The following PLCL2 variants were observed in gnomAD, a reference collection of about 807,000 sequenced individuals.
The protein encoded by PLCL2 is inactive phospholipase C-like protein 2.
In PLCL2, 4 loss-of-function variants were observed where a neutral mutation model predicts 79.6. That is an observed-to-expected ratio of 0.05 (90% confidence interval 0.02 to 0.11). The LOEUF (loss-of-function observed/expected upper bound fraction) is 0.11, where lower values mean the gene tolerates loss of function less well. Ranked by LOEUF, PLCL2 falls within the 10% of genes least tolerant of loss-of-function variation. PLCL2 has a pLI of 1.00. For missense variants in PLCL2, 895 were observed against 1,291.0 expected (o/e 0.69, Z 4.70); for synonymous variants, 484 against 457.7 (o/e 1.06, Z -0.73).
At chr3:16,953,133 C>G (rs2063668790) in intron 1 of PLCL2, among the ~76,000 whole-genome samples, 1 of 152,032 alleles carries the variant, frequency 6.6e-6, no homozygotes, top group African/African-American at 2.4e-5. Context: ...ACATGAAAAA[C>G]TGACCAAGAC....
intron 3 of PLCL2, among the ~76,000 whole-genome samples, chr3:17,037,852 C>T (rs2064673780): frequency 6.6e-6 from 1 of 151,998 alleles, no homozygotes; most frequent in Non-Finnish European, 1.5e-5. Context: ...ATGGAATTTT[C>T]CTAGTTGATA....
chr3:17,079,580 C>T (rs1308182667), intron 5 of PLCL2, among the ~76,000 whole-genome samples: 1 of 152,214 alleles, frequency 6.6e-6, no homozygotes, highest in Non-Finnish European at 1.5e-5. Flanking sequence ...GCAGCATCAG[C>T]CCCTGGGCCT....
At chr3:17,052,602 A>G (rs1000430447) in intron 4 of PLCL2, among the ~76,000 whole-genome samples, 1 of 152,168 alleles carries the variant, frequency 6.6e-6, no homozygotes, top group African/African-American at 2.4e-5. Context: ...ATTGCAATGC[A>G]TTGCTGTAAA....
chr3:16,942,789 G>C (rs531819695), intron 1 of PLCL2, among the ~76,000 whole-genome samples: 12 of 152,118 alleles, frequency 7.9e-5, no homozygotes, highest in African/African-American at 2.7e-4. Flanking sequence ...AACAACACTT[G>C]TAAAAGAGAA....
At chr3:17,068,185 G>A (rs1054575312) in intron 5 of PLCL2, 120 bp downstream of exon 5, 9 of 618,640 alleles carry the variant, frequency 1.5e-5, no homozygotes, top group South Asian at 2.2e-5. Flanking sequence ...TAGAATGGAT[G>A]CAGAAATCAC....
intron 2 of PLCL2, among the ~76,000 whole-genome samples, chr3:17,013,040 C>T (rs766869554): frequency 2.0e-5 from 3 of 152,160 alleles, no homozygotes; most frequent in Non-Finnish European, 2.9e-5. Context: ...ATGTGTACTT[C>T]GTGAATAAAA....
At chr3:16,921,444 C>T (rs1697122766) in intron 1 of PLCL2, among the ~76,000 whole-genome samples, 1 of 152,168 alleles carries the variant, frequency 6.6e-6, no homozygotes, top group Non-Finnish European at 1.5e-5. Context: ...TCTTGGCAAG[C>T]TGATAGAGTA....
At chr3:17,036,648 G>A (rs1283887696) in intron 3 of PLCL2, among the ~76,000 whole-genome samples, 4 of 152,216 alleles carry the variant, frequency 2.6e-5, no homozygotes, top group African/African-American at 9.6e-5. Flanking sequence ...CATGGCATTA[G>A]TGAACTAACT....
At chr3:16,929,195 A>G (rs186193630) in intron 1 of PLCL2, among the ~76,000 whole-genome samples, 3,173 of 151,982 alleles carry the variant, frequency 0.021, 50 homozygotes, top group South Asian at 0.039. Flanking sequence ...CGTGGGAGAG[A>G]GGGGAGGAGG....
intron 4 of PLCL2, among the ~76,000 whole-genome samples, chr3:17,052,683 C>T (rs1338043912): frequency 6.6e-6 from 1 of 152,170 alleles, no homozygotes; most frequent in African/African-American, 2.4e-5. Context: ...TCTGCCACCT[C>T]TGAGACAGCA....
intron 4 of PLCL2, among the ~76,000 whole-genome samples, chr3:17,044,946 T>C (rs538325972): frequency 6.6e-6 from 1 of 152,322 alleles, no homozygotes; most frequent in East Asian, 1.9e-4. Flanking sequence ...CACTGTGTAA[T>C]GGTTCAAGTT....
chr3:17,010,879 A>C lies in PLCL2; in HGVS notation c.1533A>C (p.Ser511=). ...DIINKYAFFA[S]EYPLILCLEN... ...TTAACAAGTATGCATTCTTTGCTTC[A>C]GAGTATCCTCTTATCTTGTGTTTAG... Residue 511 remains serine, a synonymous_variant, in exon 2 of 6, where the codon TCA becomes TCC. Transcript: ENST00000615277. This position sits in a 1 kb window ranked among gnomAD's most constrained non-coding sequence, Gnocchi z 5.8. 6.2e-7 allele frequency: 1 copy of C among 1,614,044 alleles called. No individual in the cohort carries two copies. The highest frequency in any genetic ancestry group is 8.5e-7 in the Non-Finnish European group (1 of 1,179,918).
chr3:17,004,161 C>T (rs1312079555), intron 1 of PLCL2, among the ~76,000 whole-genome samples: 2 of 152,120 alleles, frequency 1.3e-5, no homozygotes, highest in African/African-American at 2.4e-5. Flanking sequence ...GACCGTGGCT[C>T]TCTGATGCAT....
intron 1 of PLCL2, among the ~76,000 whole-genome samples, chr3:16,998,830 A>G (rs770662273): frequency 4.6e-5 from 7 of 152,258 alleles, no homozygotes; most frequent in Non-Finnish European, 8.8e-5. Flanking sequence ...AACCCATTAC[A>G]TATTTGAATT....
intron 5 of PLCL2, among the ~76,000 whole-genome samples, chr3:17,085,758 T>G (rs2124958690): frequency 6.7e-6 from 1 of 149,834 alleles, no homozygotes; most frequent in African/African-American, 2.4e-5. Context: ...CCAATTTATT[T>G]CTTATATACC....
intron 1 of PLCL2, among the ~76,000 whole-genome samples, chr3:16,996,262 A>G (rs1243498014): frequency 1.3e-5 from 2 of 152,008 alleles, no homozygotes; most frequent in Admixed American, 1.3e-4. Flanking sequence ...TAGTGAGAGG[A>G]GTGGGCTGCG....
chr3:17,086,026 A>G (rs1308637358), intron 5 of PLCL2, among the ~76,000 whole-genome samples: 6 of 152,322 alleles, frequency 3.9e-5, no homozygotes, highest in African/African-American at 1.4e-4. Context: ...TCAAACTTCC[A>G]GCAAGCATAA....
At position 17,090,404 on chromosome 3, in the gene PLCL2, C is replaced by T. The variant is rs2065260675; in HGVS notation, c.*492C>T. 3.4e-6 allele frequency: 1 copy of T among 293,886 alleles called. No homozygotes were observed. Among genetic ancestry groups the T allele is most frequent in the African/African-American group, 2.3e-5 (1 of 43,980 alleles). 18.2% of individuals were successfully genotyped at this position (293,886 alleles called of 1,614,324 possible). Reference sequence around the variant, plus strand: ...AAGAGAATGTAAGTGGACGGGTTCCCTGAATCCCCGGGGTCCTTGGAGAGC... The same window carrying T: ...AAGAGAATGTAAGTGGACGGGTTCCTTGAATCCCCGGGGTCCTTGGAGAGC... On this transcript the variant is annotated 3_prime_UTR_variant, in exon 6 of 6. Transcript: ENST00000615277.
In PLCL2 at chr3:17,028,188, A is replaced by G. The variant is rs532199414; in HGVS notation, c.3018+13277A>G. ...GGGTAGAGTTAGTGAGCAGCTCTGC[A>G]TCGTCTCTGAAAACCCCTCATTTCC... On this transcript the variant is annotated intron_variant, in intron 3 of 5. Coordinates refer to ENST00000615277, the MANE Select transcript of PLCL2 (RefSeq NM_001144382.2). Among the ~76,000 whole-genome samples, 4 of 152,312 alleles carry G rather than the reference A, an allele frequency of 2.6e-5. No individual in the cohort carries two copies. In the South Asian group the frequency reaches 6.2e-4, roughly 24 times the overall value.
Sources: gnomAD v4.1 joint callset for allele counts (sites outside exome capture counted in the v4.1 genomes callset) on GRCh38, gnomAD v4.1.1 for gene constraint, Gnocchi (gnomAD v3.1) non-coding constraint, MANE v1.5 for transcripts, NCBI Gene and HGNC (gene_info 2026-07-23, HGNC 2026-07-21) for gene names.